The following HEXD variants were observed in gnomAD, a reference collection of about 807,000 sequenced individuals.
The protein encoded by HEXD is N-acetyl-beta-galactosaminidase.
A neutral mutation model predicts 54.2 loss-of-function variants in HEXD; 47 were observed. That is an observed-to-expected ratio of 0.87 (90% CI 0.69 to 1.11). HEXD has a LOEUF of 1.11. HEXD is among the 50% of genes least tolerant of loss of function. The pLI is 0.00. For synonymous variants in HEXD, 293 were observed against 287.6 expected, an observed-to-expected ratio of 1.02 and a Z score of -0.19; for missense variants, 576 against 649.2, an observed-to-expected ratio of 0.89 and a Z score of 1.23.
chr17:82,433,077 G>GAAAAAAAAAAAAAAAAA lies in HEXD; in HGVS notation c.283-566_283-565insAAAAAAAAAAAAAAAAA, dbSNP rs71168108. On this transcript the variant is annotated intron_variant, in intron 4 of 12. Transcript: ENST00000327949. ...CAAGACTCCATCTCAAAAAAAAAAA[G>GAAAAAAAAAAAAAAAAA]AAAAAAAAAAAAAAATATATATATA... Among the ~76,000 whole-genome samples the GAAAAAAAAAAAAAAAAA allele has an allele frequency of 2.6e-4, 2 of 7,832 alleles. 1 individual carries two copies. Among genetic ancestry groups the GAAAAAAAAAAAAAAAAA allele is most frequent in the Non-Finnish European group, 3.6e-4 (2 of 5,498 alleles). 5.1% of individuals were successfully genotyped at this position (7,832 alleles called of 152,430 possible). A position where few individuals can be genotyped will look rare whatever the true frequency, so the allele number is the denominator to read the frequency against.
chr17:82,433,964 G>A lies in HEXD; in HGVS notation c.447+142G>A, dbSNP rs2053684601. ...GGGCACCCCATCCAACATCTTCTCC[G>A]AGTGGATGGGCGGCCTGGCACGGGA... On this transcript the variant is annotated intron_variant, in intron 5 of 12. Coordinates refer to ENST00000327949, the MANE Select transcript of HEXD (RefSeq NM_001330542.2). The A allele has an allele frequency of 1.8e-5, 14 of 771,430 alleles. No individual in the cohort carries two copies. In the East Asian group the frequency reaches 2.0e-4, roughly 11 times the overall value. The allele number at this position is 771,430 out of a possible 1,614,324, so 47.8% of individuals were successfully genotyped here. A position where few individuals can be genotyped will look rare whatever the true frequency, so the allele number is the denominator to read the frequency against.
In HEXD at chr17:82,418,498, CCG is replaced by C; in HGVS notation, c.-291_-290del. 7.3e-7 allele frequency: 1 copy of C among 1,371,986 alleles called. No individual in the cohort carries two copies. The highest frequency in any genetic ancestry group is 1.6e-5 in the South Asian group (1 of 62,814). The allele number at this position is 1,371,986 out of a possible 1,614,324, so 85.0% of individuals were successfully genotyped here. A position where few individuals can be genotyped will look rare whatever the true frequency, so the allele number is the denominator to read the frequency against. On this transcript the variant is annotated 5_prime_UTR_variant, in exon 1 of 13. An upstream open reading frame in the 5' UTR loses its in-frame stop. Coordinates refer to ENST00000327949, the MANE Select transcript of HEXD (RefSeq NM_001330542.2). ...GCTGAGGAGCCATCGGACCAGGCCG[CCG>C]CGGAGCCGGGCCGGACGCGGGCGCC...
intron 3 of HEXD, among the ~76,000 whole-genome samples, chr17:82,425,159 G>C (rs2053371846): frequency 1.3e-5 from 2 of 150,806 alleles, no homozygotes. Context: ...GAGGAGGCTA[G>C]AGAAGGCTGG....
Position 82,442,606 on chromosome 17 carries a change from C to A in HEXD, c.*222C>A. The A allele has an allele frequency of 6.5e-7, 1 of 1,549,948 alleles. No homozygotes were observed. The highest frequency in any genetic ancestry group is 8.8e-7 in the Non-Finnish European group (1 of 1,141,748). On this transcript the variant is annotated 3_prime_UTR_variant, in exon 13 of 13. Coordinates refer to ENST00000327949, the MANE Select transcript of HEXD (RefSeq NM_001330542.2). This position sits in a 1 kb window ranked among gnomAD's most constrained non-coding sequence, Gnocchi z 6.8. Reference sequence around the variant, plus strand: ...CCCGCTTTGTGATCTGCATGTGTGACACTGATTCTTTGGAAATAAAGAGTG... The same window carrying A: ...CCCGCTTTGTGATCTGCATGTGTGAAACTGATTCTTTGGAAATAAAGAGTG...
intron 8 of HEXD, among the ~76,000 whole-genome samples, chr17:82,438,645 G>T (rs1315054899): frequency 6.6e-6 from 1 of 152,164 alleles, no homozygotes; most frequent in Non-Finnish European, 1.5e-5. Context: ...AGGTGATGTG[G>T]GCTAGGCGAA....
chr17:82,440,697 G>C (rs565662541), intron 9 of HEXD: 1 of 462,080 alleles, frequency 2.2e-6, no homozygotes, highest in African/African-American at 2.0e-5. Flanking sequence ...CACCTGTGTG[G>C]GTCGGGCTGC....
intron 4 of HEXD, among the ~76,000 whole-genome samples, chr17:82,432,931 T>G (rs1275732588): frequency 6.9e-6 from 1 of 145,676 alleles, no homozygotes; most frequent in Non-Finnish European, 1.5e-5. Context: ...CCGGGCGTGG[T>G]GGCGGGCGCC....
At chr17:82,430,370 T>C (rs935915385) in intron 4 of HEXD, among the ~76,000 whole-genome samples, 1 of 152,176 alleles carries the variant, frequency 6.6e-6, no homozygotes, top group Non-Finnish European at 1.5e-5. Context: ...CATGTGTACA[T>C]TTACTATTAG....
Position 82,442,439 on chromosome 17 carries a change from C to T in HEXD, c.*55C>T, listed in dbSNP as rs1295723919. On this transcript the variant is annotated 3_prime_UTR_variant, in exon 13 of 13. Coordinates refer to ENST00000327949, the MANE Select transcript of HEXD (RefSeq NM_001330542.2). The surrounding 1 kb of genome is among the most constrained non-coding windows in gnomAD (Gnocchi z 6.8). ...TGGAGGCTGGGGGGGCTCTGCACTGCCAAATGGCCTGGGCAATACGGGCCC... is the reference window on the plus strand; with the variant it reads ...TGGAGGCTGGGGGGGCTCTGCACTGTCAAATGGCCTGGGCAATACGGGCCC... The T allele has an allele frequency of 2.5e-6, 4 of 1,610,294 alleles. No individual in the cohort carries two copies. Among genetic ancestry groups the T allele is most frequent in the Non-Finnish European group, 8.5e-7 (1 of 1,177,744 alleles).
At chr17:82,440,861 C>G in intron 9 of HEXD, 136 bp from the exon 10 acceptor site, 1 of 948,270 alleles carries the variant, frequency 1.1e-6, no homozygotes, top group Non-Finnish European at 1.6e-6. Context: ...GGCCGGCACA[C>G]GCGGGGCTGG....
chr17:82,427,550 C>T (rs896212138), intron 3 of HEXD, among the ~76,000 whole-genome samples: 1 of 152,052 alleles, frequency 6.6e-6, no homozygotes, highest in African/African-American at 2.4e-5. Context: ...TGATCAGGTG[C>T]GATGAGATGA....
chr17:82,437,325 G>A lies in HEXD; in HGVS notation c.861G>A (p.Thr287=), dbSNP rs762459168. The A allele has an allele frequency of 9.9e-6, 16 of 1,610,292 alleles. No individual in the cohort carries two copies. The highest frequency in any genetic ancestry group is 1.3e-5 in the Non-Finnish European group (15 of 1,178,854). Residue 287 remains threonine (T), a synonymous_variant, in exon 8 of 13, where the codon ACG becomes ACA. Transcript: ENST00000327949. The part of the protein sequence containing the change: ...QWLQVAGSGP[T]DSLQGIILTG... Reference sequence around the variant, plus strand: ...TGCAGGTGGCGGGCAGCGGGCCCACGGACTCACTGCAGGGCATCATCCTGA... The same window carrying A: ...TGCAGGTGGCGGGCAGCGGGCCCACAGACTCACTGCAGGGCATCATCCTGA...
intron 3 of HEXD, among the ~76,000 whole-genome samples, chr17:82,424,910 G>C (rs570814455): frequency 6.6e-5 from 10 of 152,210 alleles, no homozygotes; most frequent in Non-Finnish European, 1.3e-4. Context: ...GCTAGAGAAA[G>C]CTGGAGAAGG....
At chr17:82,433,463 T>TG (rs1297154636) in intron 4 of HEXD, among the ~76,000 whole-genome samples, 195 bp from the exon 5 acceptor site, 3 of 152,156 alleles carry the variant, frequency 2.0e-5, no homozygotes, top group Non-Finnish European at 2.9e-5. Flanking sequence ...TTGTCCAGGC[T>TG]GGTCTCAAAT....
At chr17:82,433,589 C>T in intron 4 of HEXD, 69 bp from the exon 5 acceptor site, 1 of 1,429,754 alleles carries the variant, frequency 7.0e-7, no homozygotes, top group Non-Finnish European at 9.3e-7. Context: ...AAACAGAAGC[C>T]CCAGGTGGGC....
At chr17:82,425,138 GGAGAAGGCTGGAGGAGGCTA>G (rs1339158621) in intron 3 of HEXD, among the ~76,000 whole-genome samples, 3 of 147,248 alleles carry the variant, frequency 2.0e-5, no homozygotes, top group East Asian at 2.1e-4. Context: ...AGAGAAGGCT[GGAGAAGGCTGGAGGAGGCTA>G]GAGAAGGCTG....
rs1356663918 is a variant in HEXD, at chr17:82,442,216, G to A, written c.1293G>A (p.Glu431=). The change falls in exon 13 of 13, where the codon GAG becomes GAA. Residue 431 remains glutamate, a synonymous_variant. Coordinates refer to ENST00000327949, the MANE Select transcript of HEXD (RefSeq NM_001330542.2). The surrounding 1 kb of genome is among the most constrained non-coding windows in gnomAD (Gnocchi z 6.8). Reference sequence around the variant, plus strand: ...GGAGCACCCTCGTGCAGGAGCTGGAGGCTGCCCTGCAGCTGGCTTTCTACC... The same window carrying A: ...GGAGCACCCTCGTGCAGGAGCTGGAAGCTGCCCTGCAGCTGGCTTTCTACC... ...AQWSTLVQEL[E]AALQLAFYPD... The A allele has an allele frequency of 1.2e-6, 2 of 1,604,514 alleles. No individual in the cohort carries two copies. Among genetic ancestry groups the A allele is most frequent in the Non-Finnish European group, 1.7e-6 (2 of 1,179,600 alleles).
Position 82,418,476 on chromosome 17 carries a change from G to T in HEXD, c.-316G>T. ...GGCGCCTTGGTTGCGGCCCTCCGCT[G>T]AGGAGCCATCGGACCAGGCCGCCGC... On this transcript the variant is annotated 5_prime_UTR_variant, in exon 1 of 13. An upstream open reading frame in the 5' UTR gains an earlier in-frame stop. Coordinates refer to ENST00000327949, the MANE Select transcript of HEXD (RefSeq NM_001330542.2). 1.4e-6 allele frequency: 2 copies of T among 1,465,350 alleles called. No individual in the cohort carries two copies. The highest frequency in any genetic ancestry group is 1.3e-5 in the South Asian group (1 of 77,510). 90.8% of individuals were successfully genotyped at this position (1,465,350 alleles called of 1,614,324 possible). A position where few individuals can be genotyped will look rare whatever the true frequency, so the allele number is the denominator to read the frequency against.
Position 82,441,240 on chromosome 17 carries a change from T to G in HEXD, c.1137T>G (p.Ser379=). Residue 379 remains serine, a synonymous_variant, in exon 11 of 13, where the codon TCT becomes TCG. Transcript: ENST00000327949. ...VTQVSLHLRS[S]VDALLEGNRY... The stretch of plus-strand genomic sequence containing the variant: ...AAGTCAGCCTCCATCTGCGCAGCTC[T>G]GTGGATGCGCTGCTGGAGGGCAACA... 6.2e-7 allele frequency: 1 copy of G among 1,609,596 alleles called. No individual in the cohort carries two copies. Among genetic ancestry groups the G allele is most frequent in the South Asian group, 1.1e-5 (1 of 90,944 alleles).
Sources: allele counts gnomAD v4.1 joint callset (sites outside exome capture counted in the v4.1 genomes callset), GRCh38; gene constraint gnomAD v4.1.1; non-coding constraint Gnocchi (gnomAD v3.1); transcripts MANE v1.5; gene names NCBI Gene and HGNC (gene_info 2026-07-23, HGNC 2026-07-21).